CAST: variants seen among roughly 807,000 people sequenced by gnomAD.
CAST encodes calpastatin, also known as MIR583 host.
CAST carries 76 observed loss-of-function variants against 119.6 expected under a neutral mutation model. The observed-to-expected ratio is 0.64, with a 90% CI of 0.53 to 0.77. CAST has a LOEUF of 0.77. Ranked by LOEUF, CAST falls within the 30% of genes least tolerant of loss-of-function variation. The probability of loss-of-function intolerance (pLI) is 0.00; values close to 1 mark genes in which losing one functional copy is unlikely to be tolerated. For synonymous variants in CAST, 319 were observed against 331.6 expected, an observed-to-expected ratio of 0.96 and a Z score of 0.41; for missense variants, 953 against 946.5, an observed-to-expected ratio of 1.01 and a Z score of -0.09.
the CAST span, among the ~76,000 whole-genome samples, chr5:96,286,849 C>G: frequency 1.9e-4 from 29 of 151,898 alleles, no homozygotes; most frequent in Admixed American, 3.9e-4. Flanking sequence ...GGTTAATTCC[C>G]TTGCAGTTAG....
the CAST span, among the ~76,000 whole-genome samples, chr5:96,140,633 C>T: frequency 5.9e-5 from 9 of 152,328 alleles, no homozygotes; most frequent in African/African-American, 1.9e-4. Flanking sequence ...AAATTTCTTA[C>T]TTATAAAATG....
the CAST span, among the ~76,000 whole-genome samples, chr5:96,142,480 C>T: frequency 6.6e-6 from 1 of 152,200 alleles, no homozygotes; most frequent in Non-Finnish European, 1.5e-5. Flanking sequence ...CTGTATTTTA[C>T]AGGCACAGCA....
At chr5:96,188,325 G>A in the CAST span, among the ~76,000 whole-genome samples, 1 of 151,846 alleles carries the variant, frequency 6.6e-6, no homozygotes, top group Non-Finnish European at 1.5e-5. Flanking sequence ...TTTTCCAATG[G>A]ATCTTTCCAT....
chr5:96,384,258 G>A, the CAST span, among the ~76,000 whole-genome samples: 1 of 152,262 alleles, frequency 6.6e-6, no homozygotes, highest in South Asian at 2.1e-4. Context: ...CAGTGATTGT[G>A]GTGGGAACAA....
chr5:96,478,971 G>A, the CAST span, among the ~76,000 whole-genome samples: 1 of 152,214 alleles, frequency 6.6e-6, no homozygotes. Flanking sequence ...GGTAGGAGGT[G>A]AGAAAAGAAA....
intron 1 of CAST, among the ~76,000 whole-genome samples, chr5:96,638,549 T>G (rs969992828): frequency 2.6e-5 from 4 of 152,272 alleles, no homozygotes; most frequent in African/African-American, 9.6e-5. Flanking sequence ...CCAAACACCT[T>G]GGTGTTTTTT....
chr5:96,144,088 A>G, the CAST span, among the ~76,000 whole-genome samples: 1 of 152,218 alleles, frequency 6.6e-6, no homozygotes, highest in African/African-American at 2.4e-5. Flanking sequence ...AGGCAGTAAA[A>G]CATAATTAGG....
chr5:96,368,509 A>C, the CAST span, among the ~76,000 whole-genome samples: 4,659 of 151,682 alleles, frequency 0.031, 263 homozygotes, highest in African/African-American at 0.11. Flanking sequence ...CTAAAAAAAA[A>C]AAAAAACAAA....
At chr5:96,069,735 A>T in the CAST span, among the ~76,000 whole-genome samples, 1 of 148,784 alleles carries the variant, frequency 6.7e-6, no homozygotes, top group Non-Finnish European at 1.5e-5. Context: ...TCCAGGCCTA[A>T]AGCAATCCTC....
At chr5:96,499,967 T>C in the CAST span, among the ~76,000 whole-genome samples, 1 of 152,114 alleles carries the variant, frequency 6.6e-6, no homozygotes, top group Non-Finnish European at 1.5e-5. Context: ...CTAATTTCAA[T>C]ATTGTGTGCC....
intron 1 of CAST, among the ~76,000 whole-genome samples, chr5:96,657,028 C>CTG (rs35667768): frequency 1.3e-5 from 2 of 152,158 alleles, no homozygotes; most frequent in Non-Finnish European, 2.9e-5. Flanking sequence ...GAGCTGGAAA[C>CTG]AAATGCAGGG....
chr5:96,498,770 C>T, the CAST span, among the ~76,000 whole-genome samples: 3 of 152,086 alleles, frequency 2.0e-5, no homozygotes, highest in Non-Finnish European at 4.4e-5. Context: ...TGTCCGCTGC[C>T]ACCCTTTCAT....
At chr5:96,264,793 A>G in the CAST span, among the ~76,000 whole-genome samples, 655 of 152,340 alleles carry the variant, frequency 4.3e-3, 10 homozygotes, top group African/African-American at 0.015. Context: ...TCACGTGTAT[A>G]TGCTTTTATA....
chr5:96,602,217 T>G (rs1344438763), intron 1 of CAST, among the ~76,000 whole-genome samples: 5 of 152,208 alleles, frequency 3.3e-5, no homozygotes, highest in Non-Finnish European at 5.9e-5. Context: ...ACATGACAAG[T>G]GTACATAGCT....
chr5:96,596,814 C>T (rs538019590), intron 1 of CAST, among the ~76,000 whole-genome samples: 2 of 152,256 alleles, frequency 1.3e-5, no homozygotes, highest in East Asian at 1.9e-4. Flanking sequence ...AAGTCTGAGA[C>T]GAAGGTGCCA....
chr5:96,630,983 C>T (rs1747810715), intron 1 of CAST: 2 of 140,742 alleles, frequency 1.4e-5, no homozygotes, highest in Non-Finnish European at 3.2e-5. Flanking sequence ...CACCTGACTG[C>T]ATTGCTTCAT....
At chr5:96,219,746 AAGGC>A in the CAST span, among the ~76,000 whole-genome samples, 30 of 151,538 alleles carry the variant, frequency 2.0e-4, 1 homozygote, top group East Asian at 5.8e-4. Flanking sequence ...GGAAGGAAGG[AAGGC>A]AGGCAGGCAG....
upstream of CAST, chr5:96,525,551 G>C (rs1159665530): frequency 2.6e-5 from 4 of 152,118 alleles, no homozygotes; most frequent in East Asian, 7.7e-4. Context: ...TTTTCCAAAA[G>C]GCTGTTTCGA....
chr5:96,736,857 A>G (rs2150491427), intron 10 of CAST, among the ~76,000 whole-genome samples: 1 of 152,346 alleles, frequency 6.6e-6, no homozygotes, highest in East Asian at 1.9e-4. Flanking sequence ...CACTGTTATA[A>G]AGAACTTCCC....
Sources: gnomAD v4.1 joint callset for allele counts (sites outside exome capture counted in the v4.1 genomes callset) on GRCh38, gnomAD v4.1.1 for gene constraint, MANE v1.5 for transcripts, NCBI Gene and HGNC (gene_info 2026-07-23, HGNC 2026-07-21) for gene names.